The following RCOR1 variants were observed in gnomAD, a reference collection of about 807,000 sequenced individuals.
The protein encoded by RCOR1 is REST corepressor.
A neutral mutation model predicts 64.0 loss-of-function variants in RCOR1; 12 were observed. The observed-to-expected ratio is 0.19, with a 90% CI of 0.12 to 0.30. The LOEUF is 0.30. RCOR1 is among the 10% of genes least tolerant of loss of function. The pLI is 1.00. For missense variants in RCOR1, 502 were observed against 621.2 expected, an observed-to-expected ratio of 0.81 and a Z score of 2.04; for synonymous variants, 279 against 227.2, an observed-to-expected ratio of 1.23 and a Z score of -2.05.
chr14:102,725,378 C>T (rs1383360524), intron 11 of RCOR1, among the ~76,000 whole-genome samples: 1 of 152,022 alleles, frequency 6.6e-6, no homozygotes, highest in Non-Finnish European at 1.5e-5. Context: ...GTCTGGGAGT[C>T]CTTTTTAAAA....
Position 102,722,343 on chromosome 14 carries a change from C to T in RCOR1, c.1346C>T (p.Thr449Ile), listed in dbSNP as rs759431737. ...EWEAEHGKEETNGPSNQKPVK... is the reference protein window; with the variant it reads ...EWEAEHGKEEINGPSNQKPVK... The stretch of plus-strand genomic sequence containing the variant: ...GAGGCAGAACATGGTAAAGAAGAGA[C>T]CAATGGGCCCAGTAACCAGAAGCCT... The change falls in exon 11 of 12, where the codon ACC (threonine) becomes ATC (isoleucine). Residue 449 changes from threonine (T) to isoleucine (I), a missense_variant. By Grantham distance (89) the Thr-to-Ile change is moderately conservative. Transcript: ENST00000262241. The T allele has an allele frequency of 3.4e-5, 55 of 1,614,076 alleles. No individual in the cohort carries two copies. Among genetic ancestry groups the T allele is most frequent in the Non-Finnish European group, 4.6e-5 (54 of 1,180,002 alleles).
chr14:102,603,759 T>C (rs1456447479), intron 2 of RCOR1, among the ~76,000 whole-genome samples: 1 of 152,114 alleles, frequency 6.6e-6, no homozygotes, highest in African/African-American at 2.4e-5. Flanking sequence ...TAGCTGGGAC[T>C]ACAGGAGTGT....
chr14:102,636,651 T>G (rs1399257594), intron 2 of RCOR1, among the ~76,000 whole-genome samples: 1 of 152,022 alleles, frequency 6.6e-6, no homozygotes, highest in African/African-American at 2.4e-5. Context: ...CTTCACCCGT[T>G]TTACTGAGTT....
intron 2 of RCOR1, chr14:102,643,261 G>A: frequency 2.6e-6 from 2 of 779,160 alleles, no homozygotes; most frequent in Non-Finnish European, 3.1e-6. Flanking sequence ...TCCAGCCTGG[G>A]CGACAGAGCG....
At chr14:102,642,822 G>C (rs925498955) in intron 2 of RCOR1, among the ~76,000 whole-genome samples, 1 of 152,190 alleles carries the variant, frequency 6.6e-6, no homozygotes, top group Admixed American at 6.5e-5. Flanking sequence ...AGGTGACAGA[G>C]TGAGACCCTG....
At chr14:102,619,175 G>T (rs942760187) in intron 2 of RCOR1, among the ~76,000 whole-genome samples, 1 of 152,112 alleles carries the variant, frequency 6.6e-6, no homozygotes, top group Non-Finnish European at 1.5e-5. Context: ...AGGCTGGAGT[G>T]CAATGATGCA....
At chr14:102,678,098 C>T (rs1212428894) in intron 2 of RCOR1, among the ~76,000 whole-genome samples, 1 of 151,352 alleles carries the variant, frequency 6.6e-6, no homozygotes, top group Non-Finnish European at 1.5e-5. Flanking sequence ...AGGCACTCGG[C>T]AGGCTGAGGC....
At chr14:102,642,297 C>T (rs1894385667) in intron 2 of RCOR1, among the ~76,000 whole-genome samples, 2 of 152,102 alleles carry the variant, frequency 1.3e-5, no homozygotes. Context: ...GTATTCAGTG[C>T]CTCATGTTTC....
At chr14:102,683,468 G>A (rs1029973662) in intron 3 of RCOR1, among the ~76,000 whole-genome samples, 2 of 152,200 alleles carry the variant, frequency 1.3e-5, no homozygotes, top group African/African-American at 4.8e-5. Flanking sequence ...GGTGGAGCAC[G>A]GAAAAGAAGC....
intron 2 of RCOR1, among the ~76,000 whole-genome samples, chr14:102,670,678 G>A (rs1431512048): frequency 6.6e-6 from 1 of 151,382 alleles, no homozygotes; most frequent in African/African-American, 2.4e-5. Flanking sequence ...GTTTAGGATT[G>A]TAGAAAACAA....
chr14:102,595,856 G>A (rs1019758879), intron 2 of RCOR1, among the ~76,000 whole-genome samples: 1 of 152,122 alleles, frequency 6.6e-6, no homozygotes, highest in Admixed American at 6.6e-5. Context: ...TGGGATTACA[G>A]GCATGTGCCA....
chr14:102,680,074 TTCTC>T (rs1484730733), intron 2 of RCOR1, among the ~76,000 whole-genome samples: 1 of 152,188 alleles, frequency 6.6e-6, no homozygotes, highest in East Asian at 1.9e-4. Flanking sequence ...CATCTTTAGT[TTCTC>T]TCAGCAGTGT....
At chr14:102,598,865 A>T (rs934008032) in intron 2 of RCOR1, among the ~76,000 whole-genome samples, 9 of 152,100 alleles carry the variant, frequency 5.9e-5, no homozygotes, top group African/African-American at 2.2e-4. Flanking sequence ...ACCAACTTTT[A>T]AAGAGTTAAA....
intron 3 of RCOR1, among the ~76,000 whole-genome samples, chr14:102,697,449 A>C (rs2139975090): frequency 6.6e-6 from 1 of 152,302 alleles, no homozygotes; most frequent in South Asian, 2.1e-4. Flanking sequence ...CATTGTACAT[A>C]ATACAGCACC....
chr14:102,721,596 A>G, intron 10 of RCOR1: 1 of 362,896 alleles, frequency 2.8e-6, no homozygotes, highest in Non-Finnish European at 4.9e-6. Flanking sequence ...AGAGCTTAGG[A>G]GCATTGGTAG....
intron 2 of RCOR1, among the ~76,000 whole-genome samples, chr14:102,661,300 A>C (rs780981524): frequency 6.6e-6 from 1 of 152,100 alleles, no homozygotes; most frequent in Non-Finnish European, 1.5e-5. Flanking sequence ...GTGAGTCGAG[A>C]TTGTGCCGCT....
chr14:102,592,992 G>GCCGCCTGCGCCTCGC lies in RCOR1; in HGVS notation c.108_122dup (p.Cys38_Ala42dup). 1.7e-6 allele frequency: 2 copies of GCCGCCTGCGCCTCGC among 1,164,124 alleles called. No individual in the cohort carries two copies. Among genetic ancestry groups the GCCGCCTGCGCCTCGC allele is most frequent in the African/African-American group, 1.7e-5 (1 of 60,508 alleles). The allele number at this position is 1,164,124 out of a possible 1,614,324, so 72.1% of individuals were successfully genotyped here. A position where few individuals can be genotyped will look rare whatever the true frequency, so the allele number is the denominator to read the frequency against. On this transcript the variant is annotated inframe_insertion, in exon 1 of 12. Transcript: ENST00000262241. ...CGCCGCCGCCTCCGCCGCCGCCTCG[G>GCCGCCTGCGCCTCGC]CCGCCTGCGCCTCGCCAGCCGCCAC...
intron 2 of RCOR1, among the ~76,000 whole-genome samples, chr14:102,603,480 A>G (rs1031737102): frequency 6.6e-6 from 1 of 152,010 alleles, no homozygotes; most frequent in Admixed American, 6.6e-5. Flanking sequence ...TCTTGCCACT[A>G]TGCCCAGCTA....
chr14:102,683,558 C>A (rs1895347467), intron 3 of RCOR1, among the ~76,000 whole-genome samples: 1 of 152,228 alleles, frequency 6.6e-6, no homozygotes, highest in South Asian at 2.1e-4. Context: ...GTGCTGACCC[C>A]TACTGTTCCA....
Sources: gnomAD v4.1 joint callset for allele counts (sites outside exome capture counted in the v4.1 genomes callset) on GRCh38, gnomAD v4.1.1 for gene constraint, MANE v1.5 for transcripts, NCBI Gene and HGNC (gene_info 2026-07-23, HGNC 2026-07-21) for gene names.